Variants in ELP4 observed in about 807,000 individuals in gnomAD.
ELP4 encodes the protein elongator complex protein 4.
A neutral mutation model predicts 48.9 loss-of-function variants in ELP4; 51 were observed. That is an observed-to-expected ratio of 1.04 (90% CI 0.83 to 1.32). The LOEUF (loss-of-function observed/expected upper bound fraction) is 1.32. Among genes scored for constraint, ELP4 ranks in the 40% most tolerant of loss-of-function variants. The pLI is 0.00. For synonymous variants in ELP4, 210 were observed against 189.2 expected (o/e 1.11, Z -0.90); for missense variants, 519 against 514.6 (o/e 1.01, Z -0.08).
chr11:31,679,221 T>G (rs1289450022), intron 9 of ELP4, among the ~76,000 whole-genome samples: 1 of 152,214 alleles, frequency 6.6e-6, no homozygotes, highest in East Asian at 1.9e-4. Flanking sequence ...ACTATATTCA[T>G]GTACCACATA....
At chr11:31,770,420 G>A (rs941036312) in intron 9 of ELP4, among the ~76,000 whole-genome samples, 2 of 152,114 alleles carry the variant, frequency 1.3e-5, no homozygotes, top group Admixed American at 1.3e-4. Context: ...GAGAGAGGGG[G>A]CTGGTCAGGG....
chr11:31,774,297 T>C (rs1291110481), intron 9 of ELP4, among the ~76,000 whole-genome samples: 1 of 152,142 alleles, frequency 6.6e-6, no homozygotes, highest in Non-Finnish European at 1.5e-5. Context: ...GCAATACCCT[T>C]AATCTTTTTT....
intron 9 of ELP4, among the ~76,000 whole-genome samples, chr11:31,724,175 G>T (rs980884975): frequency 6.6e-6 from 1 of 152,116 alleles, no homozygotes; most frequent in Admixed American, 6.5e-5. Context: ...AAGTTACCAG[G>T]CCCCTCTTAT....
chr11:31,744,405 A>G (rs1947529636), intron 9 of ELP4, among the ~76,000 whole-genome samples: 1 of 152,230 alleles, frequency 6.6e-6, no homozygotes, highest in Admixed American at 6.5e-5. Flanking sequence ...GGCCAGCATC[A>G]TCCTGATACC....
intron 4 of ELP4, among the ~76,000 whole-genome samples, chr11:31,596,142 C>T (rs773627816): frequency 2.0e-5 from 3 of 152,144 alleles, no homozygotes; most frequent in Non-Finnish European, 4.4e-5. Context: ...CAGTGGCTCA[C>T]GCCTGTAATC....
chr11:31,542,374 C>T (rs957404804), intron 3 of ELP4, among the ~76,000 whole-genome samples: 1 of 152,128 alleles, frequency 6.6e-6, no homozygotes, highest in African/African-American at 2.4e-5. Flanking sequence ...TGCATAGGGT[C>T]GGTCTCCCTC....
At chr11:31,518,965 C>G (rs908284146) in intron 1 of ELP4, among the ~76,000 whole-genome samples, 1 of 151,692 alleles carries the variant, frequency 6.6e-6, no homozygotes, top group African/African-American at 2.4e-5. Context: ...GCATGCACCA[C>G]CACATGCAGA....
At chr11:31,700,152 G>C (rs945365943) in intron 9 of ELP4, among the ~76,000 whole-genome samples, 1 of 151,868 alleles carries the variant, frequency 6.6e-6, no homozygotes, top group Admixed American at 6.6e-5. Context: ...CATGTCTGCT[G>C]CTTGTTCTTG....
At position 31,520,087 on chromosome 11, in the gene ELP4, A is replaced by G. The variant is rs1210064001; in HGVS notation, c.255A>G (p.Leu85=). 2 of 1,612,444 alleles carry G rather than the reference A, an allele frequency of 1.2e-6. No homozygotes were observed. Among genetic ancestry groups the G allele is most frequent in the South Asian group, 2.2e-5 (2 of 90,780 alleles). Residue 85 remains leucine, a synonymous_variant, in exon 2 of 10, where the codon CTA becomes CTG. Transcript: ENST00000640961. ...GGGLAVGTVL[L]IEEDKYNIYS... is the part of the protein sequence containing the mutation. ...GTTTAGCCGTTGGAACAGTTCTTCT[A>G]ATTGGTTAGTACAAAATACATGCTT...
Position 31,627,266 on chromosome 11 carries a change from C to T in ELP4, c.738+72C>T, listed in dbSNP as rs184583970. 1,188 of 238,104 alleles carry T rather than the reference C, an allele frequency of 5.0e-3. 20 individuals are homozygous for T. In the African/African-American group the frequency reaches 0.067, roughly 13 times the overall value. The allele number at this position is 238,104 out of a possible 1,614,324, so 14.7% of individuals were successfully genotyped here. The stretch of plus-strand genomic sequence containing the variant: ...TTTTCAAATTCTCTGGGGGGGGGGG[C>T]GGGAACCCAGAAGTTTTAGAATAAT... On this transcript the variant is annotated intron_variant, in intron 6 of 9. Transcript: ENST00000640961.
At chr11:31,731,683 G>C (rs1947191938) in intron 9 of ELP4, among the ~76,000 whole-genome samples, 1 of 151,594 alleles carries the variant, frequency 6.6e-6, no homozygotes, top group African/African-American at 2.4e-5. Context: ...TCTGGGGCTG[G>C]AAATGTATAT....
intron 3 of ELP4, among the ~76,000 whole-genome samples, chr11:31,571,136 C>T (rs1957187506): frequency 6.6e-6 from 1 of 152,210 alleles, no homozygotes; most frequent in African/African-American, 2.4e-5. Flanking sequence ...CACATGTACC[C>T]TCAGAATCTA....
At chr11:31,691,581 A>G (rs1388228700) in intron 9 of ELP4, among the ~76,000 whole-genome samples, 1 of 152,104 alleles carries the variant, frequency 6.6e-6, no homozygotes, top group Non-Finnish European at 1.5e-5. Context: ...TTTTATCTTC[A>G]AGCTTAAAAA....
At chr11:31,770,291 C>G (rs917059221) in intron 9 of ELP4, among the ~76,000 whole-genome samples, 3 of 152,052 alleles carry the variant, frequency 2.0e-5, no homozygotes, top group African/African-American at 7.2e-5. Context: ...AGAAGGGAGT[C>G]AGTTGGGGAG....
chr11:31,621,752 C>G (rs983349240), intron 5 of ELP4, among the ~76,000 whole-genome samples: 3 of 151,892 alleles, frequency 2.0e-5, no homozygotes, highest in African/African-American at 7.2e-5. Flanking sequence ...CTTCCTAAAA[C>G]TATGCACCTG....
At chr11:31,538,728 A>G (rs1187876030) in intron 2 of ELP4, among the ~76,000 whole-genome samples, 1 of 151,932 alleles carries the variant, frequency 6.6e-6, no homozygotes, top group East Asian at 1.9e-4. Flanking sequence ...TGGTTTTATG[A>G]TATTTAAAGA....
intron 3 of ELP4, among the ~76,000 whole-genome samples, chr11:31,591,422 A>AGG (rs35637930): frequency 1.2e-4 from 9 of 76,560 alleles, no homozygotes; most frequent in African/African-American, 5.8e-4. Context: ...AAAAAAAAAA[A>AGG]GGGGGGGGGG....
chr11:31,630,351 T>A (rs1944836297), intron 6 of ELP4, among the ~76,000 whole-genome samples: 1 of 150,260 alleles, frequency 6.7e-6, no homozygotes, highest in Non-Finnish European at 1.5e-5. Context: ...TTTTTTTTAA[T>A]GGAGTCTCAC....
chr11:31,522,291 C>T (rs905985906), intron 2 of ELP4, among the ~76,000 whole-genome samples: 2 of 151,976 alleles, frequency 1.3e-5, no homozygotes, highest in Admixed American at 6.6e-5. Context: ...AAATACAAAA[C>T]GGTGTGTAAA....
Sources: allele counts gnomAD v4.1 joint callset (sites outside exome capture counted in the v4.1 genomes callset), GRCh38; gene constraint gnomAD v4.1.1; transcripts MANE v1.5; gene names NCBI Gene and HGNC (gene_info 2026-07-23, HGNC 2026-07-21).